Variants in ZEB2 observed in about 807,000 individuals in gnomAD.
ZEB2 encodes the protein zinc finger E-box-binding homeobox 2.
In ZEB2, 6 loss-of-function variants were observed where a neutral mutation model predicts 99.9. The observed-to-expected ratio is 0.06, with a 90% CI of 0.03 to 0.12. The LOEUF is 0.12. Among genes scored for constraint, ZEB2 ranks in the 10% least tolerant of loss-of-function variants. ZEB2 has a pLI of 1.00. For missense variants in ZEB2, 969 were observed against 1,502.8 expected (o/e 0.64, Z 5.87); for synonymous variants, 517 against 542.5 (o/e 0.95, Z 0.65).
At position 144,389,991 on chromosome 2, in the gene ZEB2, C is replaced by T; in HGVS notation, c.3105G>A (p.Ala1035=). ...CGATAAGGTGGTGCTTGTGTTTAAA[C>T]GCTTTCTTACAAATCTGACACTGAT... ...RPHQCQICKK[A]FKHKHHLIEH... is the part of the protein sequence containing the mutation. The change falls in exon 10 of 10, where the codon GCG becomes GCA. Residue 1035 remains alanine (A), a synonymous_variant. Transcript: ENST00000627532. This position sits in a 1 kb window ranked among gnomAD's most constrained non-coding sequence, Gnocchi z 6.8. 6.2e-7 allele frequency: 1 copy of T among 1,602,732 alleles called. No homozygotes were observed.
At chr2:144,511,551 A>G (rs1173577332) in intron 2 of ZEB2, 2 of 1,279,642 alleles carry the variant, frequency 1.6e-6, no homozygotes, top group Non-Finnish European at 2.0e-6. Context: ...CCTTTTAAAA[A>G]CTGCTTGATG....
At chr2:144,513,843 G>A (rs751893992) in intron 2 of ZEB2, 29 of 1,534,282 alleles carry the variant, frequency 1.9e-5, no homozygotes, top group Non-Finnish European at 2.4e-5. Context: ...AAAAAGGGGG[G>A]CTGGGTTTTC....
rs755199698 is a variant in ZEB2, at chr2:144,404,074, C to A, written c.649G>T (p.Asp217Tyr). ...FAQLLTCPYC[D>Y]RGYKRLTSLK... The stretch of plus-strand genomic sequence containing the variant: ...GATGTCAAGCGCTTGTAGCCCCGGT[C>A]GCAGTAGGGGCAGGTCAGCAGTTGG... The change falls in exon 6 of 10, where the codon GAC (aspartate) becomes TAC (tyrosine). Residue 217 changes from aspartate to tyrosine, a missense_variant. Physicochemically the swap from Asp to Tyr is radical, Grantham distance 160. Transcript: ENST00000627532. 1 of 1,614,028 alleles carries A rather than the reference C, an allele frequency of 6.2e-7. No individual in the cohort carries two copies. The highest frequency in any genetic ancestry group is 1.1e-5 in the South Asian group (1 of 91,066).
At position 144,509,907 on chromosome 2, in the gene ZEB2, G is replaced by A. The variant is rs1316491654; in HGVS notation, c.73+7371C>T. Among the ~76,000 whole-genome samples the A allele has an allele frequency of 3.9e-5, 6 of 152,230 alleles. No individual in the cohort carries two copies. In the South Asian group the frequency reaches 1.2e-3, roughly 32 times the overall value. Reference sequence around the variant, plus strand: ...GAGGGTTTAAACAGTTCCCAGGAAGGAGGCCTTTAGGCACAAACTTTCTCT... The same window carrying A: ...GAGGGTTTAAACAGTTCCCAGGAAGAAGGCCTTTAGGCACAAACTTTCTCT... On this transcript the variant is annotated intron_variant, in intron 2 of 9. Transcript: ENST00000627532.
chr2:144,405,950 T>C (rs535504782), intron 4 of ZEB2, among the ~76,000 whole-genome samples: 1 of 152,190 alleles, frequency 6.6e-6, no homozygotes, highest in African/African-American at 2.4e-5. Flanking sequence ...GTTGGGAGAG[T>C]AGCTGTTATA....
chr2:144,389,889 C>G lies in ZEB2; in HGVS notation c.3207G>C (p.Ser1069=), dbSNP rs753165831. The part of the protein sequence containing the change: ...KCGKRFSHSG[S]YSQHMNHRYS... ...ACCTGTGATTCATGTGCTGCGAGTACGAGCCCGAGTGTGAGAAGCGCTTGC... is the reference window on the plus strand; with the variant it reads ...ACCTGTGATTCATGTGCTGCGAGTAGGAGCCCGAGTGTGAGAAGCGCTTGC... Residue 1069 remains serine (S), a synonymous_variant, in exon 10 of 10, where the codon TCG becomes TCC. Coordinates refer to ENST00000627532, the MANE Select transcript of ZEB2 (RefSeq NM_014795.4). This position sits in a 1 kb window ranked among gnomAD's most constrained non-coding sequence, Gnocchi z 6.8. 1 of 1,613,612 alleles carries G rather than the reference C, an allele frequency of 6.2e-7. No individual in the cohort carries two copies. The highest frequency in any genetic ancestry group is 1.1e-5 in the South Asian group (1 of 91,088).
At chr2:144,481,115 G>C (rs1206285628) in intron 2 of ZEB2, among the ~76,000 whole-genome samples, 2 of 152,164 alleles carry the variant, frequency 1.3e-5, no homozygotes, top group African/African-American at 4.8e-5. Context: ...AGAAAGAGGA[G>C]AAACGAAGAG....
chr2:144,424,957 T>A (rs1185421777), intron 3 of ZEB2, 90 bp from the exon 4 acceptor site: 32 of 1,405,612 alleles, frequency 2.3e-5, no homozygotes, highest in Non-Finnish European at 3.2e-5. Flanking sequence ...GAAGATTCTT[T>A]TAAAGGAAAC....
rs150954598 is a variant in ZEB2 at position 144,408,649 on chromosome 2, C to A, written c.404-3625G>T. On this transcript the variant is annotated intron_variant, in intron 4 of 9. Coordinates refer to ENST00000627532, the MANE Select transcript of ZEB2 (RefSeq NM_014795.4). ...GTTTTTCCATGAGGTGCAATAGGTGCTAGTAATATACAGTTTTTCTGCCCA... is the reference window on the plus strand; with the variant it reads ...GTTTTTCCATGAGGTGCAATAGGTGATAGTAATATACAGTTTTTCTGCCCA... Among the ~76,000 whole-genome samples, 323 of 152,278 alleles carry A rather than the reference C, an allele frequency of 2.1e-3. 1 individual carries two copies. Among genetic ancestry groups the A allele is most frequent in the African/African-American group, 7.0e-3 (292 of 41,556 alleles).
chr2:144,495,261 G>A (rs1294053846), intron 2 of ZEB2: 3 of 152,164 alleles, frequency 2.0e-5, no homozygotes, highest in Non-Finnish European at 4.4e-5. Flanking sequence ...AGTGAACTGG[G>A]TTATAAAGTT....
intron 9 of ZEB2, among the ~76,000 whole-genome samples, chr2:144,392,511 A>T (rs146894199): frequency 1.3e-5 from 2 of 152,250 alleles, no homozygotes; most frequent in African/African-American, 4.8e-5. Flanking sequence ...ATACGCATAT[A>T]TTAATCCTGC....
intron 8 of ZEB2, 100 bp from the exon 9 acceptor site, chr2:144,396,692 C>T (rs1206104883): frequency 7.6e-7 from 1 of 1,315,386 alleles, no homozygotes; most frequent in African/African-American, 1.5e-5. Context: ...AAATTGCTTG[C>T]TACTAATTGA....
chr2:144,407,369 T>G (rs1300710739), intron 4 of ZEB2, among the ~76,000 whole-genome samples: 1 of 152,244 alleles, frequency 6.6e-6, no homozygotes, highest in Non-Finnish European at 1.5e-5. Flanking sequence ...GAATATGGGC[T>G]TTAGATAAGA....
chr2:144,510,304 C>T (rs1233036664), intron 2 of ZEB2, among the ~76,000 whole-genome samples: 1 of 152,102 alleles, frequency 6.6e-6, no homozygotes, highest in African/African-American at 2.4e-5. Context: ...GTGTGAGGAC[C>T]CGTCACTGAA....
chr2:144,451,136 A>G (rs1704049983), intron 2 of ZEB2, among the ~76,000 whole-genome samples: 1 of 152,230 alleles, frequency 6.6e-6, no homozygotes, highest in Admixed American at 6.5e-5. Flanking sequence ...ACACATTTAA[A>G]TTTATTACTA....
chr2:144,503,541 G>A (rs911144429), intron 2 of ZEB2: 1 of 152,048 alleles, frequency 6.6e-6, no homozygotes, highest in Non-Finnish European at 1.5e-5. Flanking sequence ...TGGAAAGTAA[G>A]GAGGATTTTA....
At chr2:144,458,797 C>A (rs1159276773) in intron 2 of ZEB2, among the ~76,000 whole-genome samples, 1 of 152,166 alleles carries the variant, frequency 6.6e-6, no homozygotes, top group Non-Finnish European at 1.5e-5. Context: ...CTGGTTCCTG[C>A]AACTTAAATA....
intron 2 of ZEB2, among the ~76,000 whole-genome samples, chr2:144,486,239 A>G (rs1704595133): frequency 6.6e-6 from 1 of 152,174 alleles, no homozygotes; most frequent in African/African-American, 2.4e-5. Context: ...CATTGTATTT[A>G]TATCTCTCTT....
At chr2:144,418,951 G>T (rs1178790191) in intron 4 of ZEB2, among the ~76,000 whole-genome samples, 5 of 151,842 alleles carry the variant, frequency 3.3e-5, no homozygotes. Flanking sequence ...AACATCACCT[G>T]TTCCCCAAAA....
Sources: allele counts gnomAD v4.1 joint callset (sites outside exome capture counted in the v4.1 genomes callset), GRCh38; gene constraint gnomAD v4.1.1; non-coding constraint Gnocchi (gnomAD v3.1); transcripts MANE v1.5; gene names NCBI Gene and HGNC (gene_info 2026-07-23, HGNC 2026-07-21).